The following ROBO1 variants were observed in gnomAD, a reference collection of about 807,000 sequenced individuals.
ROBO1 encodes roundabout homolog 1.
A neutral mutation model predicts 195.9 loss-of-function variants in ROBO1; 149 were observed. The observed-to-expected ratio is 0.76, with a 90% confidence interval of 0.67 to 0.87. ROBO1 has a LOEUF of 0.87. Among genes scored for constraint, ROBO1 ranks in the 40% least tolerant of loss-of-function variants. The pLI is 0.00. For missense variants in ROBO1, 1,933 were observed against 2,068.3 expected (o/e 0.93, Z 1.27); for synonymous variants, 816 against 733.2 (o/e 1.11, Z -1.82).
At chr3:78,921,025 CA>C (rs1214393696) in intron 4 of ROBO1, among the ~76,000 whole-genome samples, 1 of 151,966 alleles carries the variant, frequency 6.6e-6, no homozygotes, top group Non-Finnish European at 1.5e-5. Context: ...TTCATAATCT[CA>C]AAGTAAGAAT....
chr3:79,149,177 G>A (rs144242169), intron 2 of ROBO1, among the ~76,000 whole-genome samples: 17 of 151,966 alleles, frequency 1.1e-4, no homozygotes, highest in East Asian at 3.9e-4. Flanking sequence ...ATACTTCTGC[G>A]TTCAGATAAT....
intron 25 of ROBO1, among the ~76,000 whole-genome samples, chr3:78,630,803 C>T (rs1705130569): frequency 6.6e-6 from 1 of 152,140 alleles, no homozygotes; most frequent in Non-Finnish European, 1.5e-5. Context: ...TAAATTCACA[C>T]GATTATCTTT....
At chr3:79,564,574 C>A (rs1943031703) in intron 2 of ROBO1, among the ~76,000 whole-genome samples, 1 of 151,952 alleles carries the variant, frequency 6.6e-6, no homozygotes, top group Non-Finnish European at 1.5e-5. Flanking sequence ...TGTGGGTGAA[C>A]TTAATGATGC....
intron 3 of ROBO1, among the ~76,000 whole-genome samples, chr3:79,124,591 C>G (rs577557656): frequency 6.6e-6 from 1 of 152,118 alleles, no homozygotes; most frequent in Non-Finnish European, 1.5e-5. Context: ...CACACACAAC[C>G]TATCCACACA....
chr3:78,705,886 A>G (rs1275085894), intron 8 of ROBO1, among the ~76,000 whole-genome samples: 1 of 152,120 alleles, frequency 6.6e-6, no homozygotes, highest in Non-Finnish European at 1.5e-5. Flanking sequence ...TAGATGGCAG[A>G]TGGTGGGAAT....
chr3:78,602,190 C>T (rs1703217362), intron 29 of ROBO1, among the ~76,000 whole-genome samples: 1 of 151,956 alleles, frequency 6.6e-6, no homozygotes, highest in African/African-American at 2.4e-5. Context: ...AGGCAGATAC[C>T]TCATGGATCG....
At chr3:79,577,284 G>C (rs1943517909) in intron 2 of ROBO1, among the ~76,000 whole-genome samples, 1 of 151,878 alleles carries the variant, frequency 6.6e-6, no homozygotes, top group South Asian at 2.1e-4. Flanking sequence ...CATTACAAGG[G>C]GGCTTTTATT....
At chr3:79,502,350 C>G (rs1026434948) in intron 2 of ROBO1, among the ~76,000 whole-genome samples, 7 of 152,190 alleles carry the variant, frequency 4.6e-5, no homozygotes, top group Non-Finnish European at 1.0e-4. Context: ...GCACTTGGAG[C>G]AGATGGCTGT....
At chr3:79,421,631 G>A (rs1000621175) in intron 2 of ROBO1, among the ~76,000 whole-genome samples, 1 of 152,114 alleles carries the variant, frequency 6.6e-6, no homozygotes, top group Non-Finnish European at 1.5e-5. Flanking sequence ...TACAAGCTCA[G>A]CTCTGTGTCT....
intron 1 of ROBO1, among the ~76,000 whole-genome samples, chr3:79,714,292 C>A (rs1702390563): frequency 6.6e-6 from 1 of 152,110 alleles, no homozygotes; most frequent in South Asian, 2.1e-4. Flanking sequence ...ATCAAAACCA[C>A]AATGAGATAC....
chr3:79,110,617 A>G (rs2079868110), intron 3 of ROBO1, among the ~76,000 whole-genome samples: 1 of 148,586 alleles, frequency 6.7e-6, no homozygotes, highest in South Asian at 2.1e-4. Flanking sequence ...AGTGAGGGAA[A>G]TAACTTTTTT....
chr3:79,520,169 AAAAAGAGAGAGAGAG>A (rs1941148351), intron 2 of ROBO1, among the ~76,000 whole-genome samples: 1 of 151,622 alleles, frequency 6.6e-6, no homozygotes. Context: ...AAAAAAAAAA[AAAAAGAGAGAGAGAG>A]AGTCTTTGTG....
intron 10 of ROBO1, 122 bp from the exon 11 acceptor site, chr3:78,670,423 G>A (rs1214722090): frequency 1.3e-6 from 1 of 781,076 alleles, no homozygotes; most frequent in African/African-American, 1.7e-5. Flanking sequence ...AGTAATTAAA[G>A]TAGCAGACAT....
intron 2 of ROBO1, among the ~76,000 whole-genome samples, chr3:79,277,793 A>AT (rs2031169982): frequency 6.6e-6 from 1 of 151,672 alleles, no homozygotes. Flanking sequence ...TTAAAAATAA[A>AT]AAAAAACACA....
chr3:78,730,163 A>C (rs2082255948), intron 5 of ROBO1, among the ~76,000 whole-genome samples: 1 of 152,212 alleles, frequency 6.6e-6, no homozygotes, highest in African/African-American at 2.4e-5. Flanking sequence ...TTGAATTACA[A>C]GTACACCAGC....
At chr3:78,682,688 C>T (rs1025270885) in intron 10 of ROBO1, among the ~76,000 whole-genome samples, 3 of 145,600 alleles carry the variant, frequency 2.1e-5, no homozygotes, top group Non-Finnish European at 4.5e-5. Context: ...CGTATATATA[C>T]ACACAGTAAT....
chr3:79,299,272 T>C (rs1576941366), intron 2 of ROBO1, among the ~76,000 whole-genome samples: 1 of 152,320 alleles, frequency 6.6e-6, no homozygotes, highest in East Asian at 1.9e-4. Flanking sequence ...TTTGGGGTTA[T>C]ACAGACATAG....
chr3:79,564,009 C>T (rs189942893), intron 2 of ROBO1, among the ~76,000 whole-genome samples: 1 of 149,790 alleles, frequency 6.7e-6, no homozygotes. Flanking sequence ...TACGTAGTGG[C>T]CTTTTTTATG....
At chr3:79,252,581 C>A (rs1303278656) in intron 2 of ROBO1, among the ~76,000 whole-genome samples, 2 of 152,016 alleles carry the variant, frequency 1.3e-5, no homozygotes, top group Admixed American at 6.6e-5. Flanking sequence ...TTAAAGCCAC[C>A]CAGTTTGTGG....
Sources: gnomAD v4.1 joint callset for allele counts (sites outside exome capture counted in the v4.1 genomes callset) on GRCh38, gnomAD v4.1.1 for gene constraint, MANE v1.5 for transcripts, NCBI Gene and HGNC (gene_info 2026-07-23, HGNC 2026-07-21) for gene names.